SLC24A2: variants seen among roughly 807,000 people sequenced by gnomAD.
SLC24A2 encodes the protein solute carrier family 24 member 2.
A neutral mutation model predicts 62.0 loss-of-function variants in SLC24A2; 36 were observed. That is an observed-to-expected ratio of 0.58 (90% CI 0.44 to 0.77). SLC24A2 has a LOEUF of 0.77. Ranked by LOEUF, SLC24A2 falls within the 30% of genes least tolerant of loss-of-function variation. The pLI, the probability that SLC24A2 is intolerant of heterozygous loss-of-function variation, is 0.00. For missense variants in SLC24A2, 846 were observed against 817.9 expected (o/e 1.03, Z -0.42); for synonymous variants, 358 against 294.0 (o/e 1.22, Z -2.23).
the SLC24A2 span, among the ~76,000 whole-genome samples, chr9:20,294,985 A>T: frequency 2.0e-5 from 3 of 151,966 alleles, no homozygotes; most frequent in Non-Finnish European, 4.4e-5. Flanking sequence ...ATAAATAAAT[A>T]ATAAGATAAA....
the SLC24A2 span, among the ~76,000 whole-genome samples, chr9:20,032,533 CG>C: frequency 6.6e-6 from 1 of 152,084 alleles, no homozygotes; most frequent in African/African-American, 2.4e-5. Context: ...GCCCAAGGGT[CG>C]GGTTACCATT....
the SLC24A2 span, among the ~76,000 whole-genome samples, chr9:20,175,129 C>G: frequency 2.0e-5 from 3 of 151,622 alleles, no homozygotes; most frequent in Non-Finnish European, 4.4e-5. Context: ...TGAAGTAATT[C>G]AGGAATGGAA....
the SLC24A2 span, among the ~76,000 whole-genome samples, chr9:19,882,569 T>C: frequency 6.6e-6 from 1 of 151,780 alleles, no homozygotes; most frequent in East Asian, 1.9e-4. Context: ...GAAATCACAG[T>C]CCTGACTTTA....
chr9:19,954,953 T>C, the SLC24A2 span, among the ~76,000 whole-genome samples: 1 of 151,420 alleles, frequency 6.6e-6, no homozygotes, highest in Non-Finnish European at 1.5e-5. Context: ...TGCCATCTTT[T>C]CTTTTACAGG....
At chr9:19,571,928 C>G (rs1227327590) in intron 7 of SLC24A2, among the ~76,000 whole-genome samples, 2 of 151,996 alleles carry the variant, frequency 1.3e-5, no homozygotes, top group East Asian at 1.9e-4. Context: ...ACTAGGTAAC[C>G]CCAATTAACT....
At chr9:19,996,459 T>C in the SLC24A2 span, among the ~76,000 whole-genome samples, 1 of 152,196 alleles carries the variant, frequency 6.6e-6, no homozygotes, top group Middle Eastern at 3.4e-3. Context: ...GATCCATCAA[T>C]GCCAGGTGCG....
intron 4 of SLC24A2, among the ~76,000 whole-genome samples, chr9:19,601,710 C>A (rs565051625): frequency 6.6e-6 from 1 of 152,070 alleles, no homozygotes; most frequent in East Asian, 1.9e-4. Flanking sequence ...ATGAGGGTTG[C>A]ATATATAGTT....
At chr9:19,765,713 C>T (rs1480844021) in intron 2 of SLC24A2, among the ~76,000 whole-genome samples, 2 of 152,198 alleles carry the variant, frequency 1.3e-5, no homozygotes, top group African/African-American at 4.8e-5. Context: ...ACCTTTCTCT[C>T]GGGCTGACCT....
the SLC24A2 span, among the ~76,000 whole-genome samples, chr9:20,204,276 C>A: frequency 0.011 from 1,638 of 152,288 alleles, 28 homozygotes; most frequent in African/African-American, 0.037. Context: ...GAATCCACAG[C>A]ATTGCCACCT....
At position 19,512,515 on chromosome 9, in the gene SLC24A2, T is replaced by G. The variant is rs984276337; in HGVS notation, c.*3638A>C. On this transcript the variant is annotated 3_prime_UTR_variant, in exon 11 of 11. Transcript: ENST00000341998. Reference sequence around the variant, plus strand: ...GGGAAGCTGCATAAACACCATCTGATCTTCAGCTTCAGTTCATCAGGATCT... The same window carrying G: ...GGGAAGCTGCATAAACACCATCTGAGCTTCAGCTTCAGTTCATCAGGATCT... The G allele has an allele frequency of 1.2e-4, 18 of 152,190 alleles. No homozygotes were observed. The highest frequency in any genetic ancestry group is 4.1e-4 in the African/African-American group (17 of 41,436). 9.4% of individuals were successfully genotyped at this position (152,190 alleles called of 1,614,324 possible).
chr9:19,532,057 C>T (rs1032259116), intron 8 of SLC24A2, among the ~76,000 whole-genome samples: 2 of 152,092 alleles, frequency 1.3e-5, no homozygotes, highest in Non-Finnish European at 2.9e-5. Context: ...TACATATAAC[C>T]TTTGTGAATC....
At chr9:19,641,481 T>A (rs142838124) in intron 2 of SLC24A2, among the ~76,000 whole-genome samples, 2 of 151,970 alleles carry the variant, frequency 1.3e-5, no homozygotes. Flanking sequence ...TTACAAAACA[T>A]CTTCACATTT....
the SLC24A2 span, among the ~76,000 whole-genome samples, chr9:20,225,784 T>C: frequency 7.8e-3 from 1,187 of 151,360 alleles, 25 homozygotes; most frequent in African/African-American, 0.028. Flanking sequence ...ATGTTAATAA[T>C]AATAAACCAT....
chr9:19,602,683 G>C (rs1347014981), intron 4 of SLC24A2, among the ~76,000 whole-genome samples: 1 of 152,118 alleles, frequency 6.6e-6, no homozygotes, highest in Non-Finnish European at 1.5e-5. Flanking sequence ...GTGTGTTCTG[G>C]GGTCCAACAA....
the SLC24A2 span, among the ~76,000 whole-genome samples, chr9:19,834,445 C>T: frequency 1.3e-4 from 20 of 152,054 alleles, no homozygotes; most frequent in South Asian, 1.7e-3. Context: ...CCTCAGTAAC[C>T]GATGCGATCA....
At chr9:20,085,698 T>G in the SLC24A2 span, among the ~76,000 whole-genome samples, 1 of 152,254 alleles carries the variant, frequency 6.6e-6, no homozygotes, top group Non-Finnish European at 1.5e-5. Flanking sequence ...TACAATAGTG[T>G]ATTTGAATGC....
At chr9:20,041,486 C>G in the SLC24A2 span, among the ~76,000 whole-genome samples, 1 of 152,254 alleles carries the variant, frequency 6.6e-6, no homozygotes, top group African/African-American at 2.4e-5. Flanking sequence ...GGGATAAACA[C>G]AGCCAGGCTT....
the SLC24A2 span, among the ~76,000 whole-genome samples, chr9:20,001,491 T>C: frequency 8.5e-5 from 13 of 152,326 alleles, no homozygotes; most frequent in Admixed American, 8.5e-4. Flanking sequence ...AGAATAAGCA[T>C]AACTGTCCCC....
the SLC24A2 span, among the ~76,000 whole-genome samples, chr9:19,917,779 A>G: frequency 1.3e-5 from 2 of 152,094 alleles, no homozygotes; most frequent in East Asian, 3.8e-4. Flanking sequence ...ATTATGTGAT[A>G]TTATTTGCTT....
Sources: gnomAD v4.1 joint callset for allele counts (sites outside exome capture counted in the v4.1 genomes callset) on GRCh38, gnomAD v4.1.1 for gene constraint, MANE v1.5 for transcripts, NCBI Gene and HGNC (gene_info 2026-07-23, HGNC 2026-07-21) for gene names.